CCSER1: variants seen among roughly 807,000 people sequenced by gnomAD.
CCSER1 encodes the protein serine-rich coiled-coil domain-containing protein 1.
CCSER1 carries 41 observed loss-of-function variants against 82.0 expected under a neutral mutation model. The observed-to-expected ratio is 0.50, with a 90% CI of 0.39 to 0.65. The LOEUF is 0.65. Among genes scored for constraint, CCSER1 ranks in the 30% least tolerant of loss-of-function variants. The pLI, the probability that CCSER1 is intolerant of heterozygous loss-of-function variation, is 0.00. For missense variants in CCSER1, 1,119 were observed against 1,064.2 expected (o/e 1.05, Z -0.72); for synonymous variants, 414 against 383.9 (o/e 1.08, Z -0.92).
chr4:91,172,761 T>C (rs1732894456), intron 10 of CCSER1, among the ~76,000 whole-genome samples: 1 of 152,154 alleles, frequency 6.6e-6, no homozygotes, highest in Admixed American at 6.5e-5. Context: ...GAAAATAAAA[T>C]CTTTATGTGA....
intron 8 of CCSER1, among the ~76,000 whole-genome samples, chr4:90,860,944 G>T (rs1323781209): frequency 6.6e-6 from 1 of 151,324 alleles, no homozygotes; most frequent in African/African-American, 2.4e-5. Flanking sequence ...TAGTGGTGAT[G>T]GTTGAACAAC....
chr4:91,151,108 T>A (rs1466925863), intron 10 of CCSER1, among the ~76,000 whole-genome samples: 2 of 152,152 alleles, frequency 1.3e-5, no homozygotes, highest in African/African-American at 2.4e-5. Context: ...CTGGACTTTT[T>A]TTGGTTGGTA....
chr4:90,807,496 G>C (rs1757671383), intron 7 of CCSER1, among the ~76,000 whole-genome samples: 1 of 152,122 alleles, frequency 6.6e-6, no homozygotes, highest in African/African-American at 2.4e-5. Context: ...GCTCACACTT[G>C]TAGTCCTACC....
At chr4:91,248,895 C>A (rs1009244379) in intron 10 of CCSER1, among the ~76,000 whole-genome samples, 4 of 151,994 alleles carry the variant, frequency 2.6e-5, no homozygotes, top group African/African-American at 9.6e-5. Context: ...TAACTCTATT[C>A]TAAAATAAAA....
intron 10 of CCSER1, among the ~76,000 whole-genome samples, chr4:91,532,594 A>C (rs1761090807): frequency 1.3e-5 from 2 of 152,204 alleles, no homozygotes; most frequent in African/African-American, 2.4e-5. Context: ...GTCTTCAATT[A>C]AAAGTTACAC....
intron 10 of CCSER1, among the ~76,000 whole-genome samples, chr4:91,207,073 G>A (rs1379165287): frequency 6.6e-6 from 1 of 151,766 alleles, no homozygotes; most frequent in East Asian, 1.9e-4. Context: ...TCTAAATAAA[G>A]GAAACAACGT....
At chr4:90,871,598 G>A (rs1766507518) in intron 8 of CCSER1, among the ~76,000 whole-genome samples, 1 of 151,804 alleles carries the variant, frequency 6.6e-6, no homozygotes, top group Non-Finnish European at 1.5e-5. Context: ...GTCTATCATT[G>A]AGAATTATCC....
At chr4:90,937,712 C>A (rs944976577) in intron 9 of CCSER1, among the ~76,000 whole-genome samples, 2 of 152,036 alleles carry the variant, frequency 1.3e-5, no homozygotes, top group African/African-American at 4.8e-5. Context: ...ATTTTGGTTT[C>A]TTTTTAACCA....
intron 10 of CCSER1, among the ~76,000 whole-genome samples, chr4:91,505,091 T>G (rs1278603531): frequency 1.3e-5 from 2 of 152,160 alleles, no homozygotes; most frequent in Non-Finnish European, 2.9e-5. Flanking sequence ...ATGCTCTCCC[T>G]TCCCCTACCC....
intron 5 of CCSER1, among the ~76,000 whole-genome samples, chr4:90,543,437 G>A (rs1468199111): frequency 6.6e-6 from 1 of 152,150 alleles, no homozygotes; most frequent in African/African-American, 2.4e-5. Flanking sequence ...AATGTTTCTA[G>A]ATCAGAATTA....
At chr4:90,146,573 G>A (rs1725848402) in intron 1 of CCSER1, among the ~76,000 whole-genome samples, 1 of 151,974 alleles carries the variant, frequency 6.6e-6, no homozygotes, top group Admixed American at 6.6e-5. Context: ...AAATACGGCT[G>A]TGAACTTGGA....
intron 7 of CCSER1, among the ~76,000 whole-genome samples, chr4:90,750,527 T>C (rs544468420): frequency 6.6e-6 from 1 of 152,292 alleles, no homozygotes; most frequent in Non-Finnish European, 1.5e-5. Flanking sequence ...TTGAGACTAT[T>C]TGCTTTCCAG....
chr4:90,385,460 GTTTTTTTTT>G (rs199523272), intron 3 of CCSER1, among the ~76,000 whole-genome samples: 47,813 of 134,860 alleles, frequency 0.35, 8,081 homozygotes, highest in South Asian at 0.44. Flanking sequence ...TCTCGGTGTA[GTTTTTTTTT>G]TTTTTTTTGA....
chr4:91,501,682 A>AT, intron 10 of CCSER1, among the ~76,000 whole-genome samples: 1 of 151,586 alleles, frequency 6.6e-6, no homozygotes, highest in East Asian at 1.9e-4. Flanking sequence ...TTAACATGTT[A>AT]TTTTTTCCTA....
chr4:90,294,533 T>C lies in CCSER1; in HGVS notation c.-41-13711T>C, dbSNP rs138921435. Among the ~76,000 whole-genome samples the C allele has an allele frequency of 3.4e-3, 520 of 152,212 alleles. 3 individuals are homozygous for C. Among genetic ancestry groups the C allele is most frequent in the African/African-American group, 0.012 (502 of 41,558 alleles). Reference sequence around the variant, plus strand: ...TATTTTTAGAAAAGGCATTTTCTGATATGTCCAATCTCCTATTCCTTCCCA... The same window carrying C: ...TATTTTTAGAAAAGGCATTTTCTGACATGTCCAATCTCCTATTCCTTCCCA... On this transcript the variant is annotated intron_variant, in intron 1 of 10. Transcript: ENST00000509176.
At chr4:91,481,746 C>G (rs1210792376) in intron 10 of CCSER1, among the ~76,000 whole-genome samples, 1 of 152,086 alleles carries the variant, frequency 6.6e-6, no homozygotes, top group African/African-American at 2.4e-5. Context: ...GAGGTTTCCT[C>G]AAAAGCATAT....
chr4:91,168,727 C>T (rs1023534925), intron 10 of CCSER1, among the ~76,000 whole-genome samples: 1 of 151,922 alleles, frequency 6.6e-6, no homozygotes, highest in Non-Finnish European at 1.5e-5. Flanking sequence ...GAGAATGGGC[C>T]ATGATGACGA....
intron 8 of CCSER1, among the ~76,000 whole-genome samples, chr4:90,875,390 A>C (rs1469215663): frequency 1.3e-5 from 2 of 152,280 alleles, no homozygotes; most frequent in African/African-American, 2.4e-5. Context: ...TATTATAAAC[A>C]ATAGGGGATA....
chr4:91,327,343 G>C (rs1025787169), intron 10 of CCSER1, among the ~76,000 whole-genome samples: 1 of 152,204 alleles, frequency 6.6e-6, no homozygotes, highest in African/African-American at 2.4e-5. Flanking sequence ...AGCCACCAAG[G>C]CTTGGGGCTT....
Sources: allele counts gnomAD v4.1 joint callset (sites outside exome capture counted in the v4.1 genomes callset), GRCh38; gene constraint gnomAD v4.1.1; transcripts MANE v1.5; gene names NCBI Gene and HGNC (gene_info 2026-07-23, HGNC 2026-07-21).